Variants in FAM107B observed in about 807,000 individuals in gnomAD.
The protein encoded by FAM107B is protein FAM107B.
In FAM107B, 21 loss-of-function variants were observed where a neutral mutation model predicts 31.5. The observed-to-expected ratio is 0.67, with a 90% confidence interval of 0.47 to 0.96. The LOEUF (loss-of-function observed/expected upper bound fraction) is 0.96. Ranked by LOEUF, FAM107B falls within the 40% of genes least tolerant of loss-of-function variation. FAM107B has a pLI of 0.00. For synonymous variants in FAM107B, 157 were observed against 141.5 expected (o/e 1.11, Z -0.78); for missense variants, 452 against 377.1 (o/e 1.20, Z -1.64).
intron 1 of FAM107B, among the ~76,000 whole-genome samples, chr10:14,718,338 AAAGG>A (rs747098734): frequency 1.8e-4 from 28 of 151,358 alleles, no homozygotes; most frequent in South Asian, 1.3e-3. Flanking sequence ...GAGACTCAAG[AAAGG>A]AAGGAAGGAA....
At chr10:14,685,712 G>C (rs1854967417) in intron 1 of FAM107B, among the ~76,000 whole-genome samples, 1 of 152,142 alleles carries the variant, frequency 6.6e-6, no homozygotes, top group African/African-American at 2.4e-5. Flanking sequence ...TGGAGCGTTT[G>C]TAAGAATCCT....
At chr10:14,641,538 G>T in intron 2 of FAM107B, among the ~76,000 whole-genome samples, 1 of 152,162 alleles carries the variant, frequency 6.6e-6, no homozygotes, top group East Asian at 1.9e-4. Flanking sequence ...GTATGGTTGG[G>T]TTATGGTGAG....
intron 1 of FAM107B, among the ~76,000 whole-genome samples, chr10:14,740,793 T>A (rs1856418724): frequency 6.6e-6 from 1 of 152,200 alleles, no homozygotes; most frequent in South Asian, 2.1e-4. Flanking sequence ...AGTCTATTTT[T>A]AAAATGAGCT....
intron 2 of FAM107B, among the ~76,000 whole-genome samples, chr10:14,608,473 T>G (rs927839455): frequency 6.6e-6 from 1 of 152,218 alleles, no homozygotes; most frequent in Non-Finnish European, 1.5e-5. Flanking sequence ...CTGCCCCATG[T>G]GGCATTAGCT....
intron 2 of FAM107B, among the ~76,000 whole-genome samples, chr10:14,612,853 C>T (rs11259224): frequency 0.066 from 9,968 of 152,158 alleles, 456 homozygotes; most frequent in East Asian, 0.18. Flanking sequence ...AAACTAAAAA[C>T]AGCATACAAA....
At chr10:14,715,253 G>GA (rs1171060223) in intron 1 of FAM107B, among the ~76,000 whole-genome samples, 1 of 151,778 alleles carries the variant, frequency 6.6e-6, no homozygotes, top group East Asian at 1.9e-4. Flanking sequence ...CAGATGATGT[G>GA]AAAAAAAGAA....
chr10:14,739,731 A>G (rs1042941439), intron 1 of FAM107B, among the ~76,000 whole-genome samples: 1 of 152,236 alleles, frequency 6.6e-6, no homozygotes, highest in African/African-American at 2.4e-5. Context: ...TGTGCTAGAA[A>G]GAGGTATTCT....
chr10:14,670,887 C>T (rs1318147192), intron 1 of FAM107B, among the ~76,000 whole-genome samples: 1 of 152,234 alleles, frequency 6.6e-6, no homozygotes, highest in Admixed American at 6.5e-5. Flanking sequence ...TCCTTCAATT[C>T]TTGTGTCTCT....
intron 2 of FAM107B, among the ~76,000 whole-genome samples, chr10:14,640,178 G>T (rs1853594873): frequency 6.6e-6 from 1 of 152,168 alleles, no homozygotes; most frequent in Non-Finnish European, 1.5e-5. Flanking sequence ...TTGAGATGAG[G>T]ACTATAGATG....
chr10:14,553,824 A>T (rs1210603394), intron 2 of FAM107B, among the ~76,000 whole-genome samples: 2 of 152,190 alleles, frequency 1.3e-5, no homozygotes, highest in African/African-American at 4.8e-5. Context: ...TATCTCAGTG[A>T]ATTTTTACAA....
At chr10:14,742,076 A>C (rs1332090030) in intron 1 of FAM107B, among the ~76,000 whole-genome samples, 1 of 151,900 alleles carries the variant, frequency 6.6e-6, no homozygotes, top group East Asian at 1.9e-4. Flanking sequence ...AATTAGCTGC[A>C]GGTAATATTT....
chr10:14,741,939 C>T lies in FAM107B; in HGVS notation c.411+32314G>A, dbSNP rs372939999. Among the ~76,000 whole-genome samples, 9 of 152,028 alleles carry T rather than the reference C, an allele frequency of 5.9e-5. No homozygotes were observed. The East Asian group carries it at 1.4e-3, about 23-fold the overall frequency. On this transcript the variant is annotated intron_variant, in intron 1 of 4. Coordinates refer to ENST00000181796, the MANE Select transcript of FAM107B (RefSeq NM_031453.4). ...CCATGTTAGCCAGGATGGTCTCGAT[C>T]TCCTGACCTCGTGATCCACCCACCT...
intron 2 of FAM107B, among the ~76,000 whole-genome samples, chr10:14,633,660 G>T (rs1853423626): frequency 6.6e-6 from 1 of 152,048 alleles, no homozygotes; most frequent in Admixed American, 6.6e-5. Context: ...TTCAGTAGGG[G>T]TCTAACAAAT....
At chr10:14,689,797 C>T (rs937124078) in intron 1 of FAM107B, among the ~76,000 whole-genome samples, 8 of 151,810 alleles carry the variant, frequency 5.3e-5, no homozygotes, top group Non-Finnish European at 8.8e-5. Context: ...CCCATCTCTA[C>T]AAAACAAAAT....
chr10:14,711,895 T>C (rs1564633502), intron 1 of FAM107B, among the ~76,000 whole-genome samples: 1 of 152,308 alleles, frequency 6.6e-6, no homozygotes, highest in East Asian at 1.9e-4. Flanking sequence ...CCGCCCACCT[T>C]GGCCTCCCAA....
intron 2 of FAM107B, among the ~76,000 whole-genome samples, chr10:14,573,890 G>C (rs1269839630): frequency 6.6e-6 from 1 of 151,792 alleles, no homozygotes; most frequent in East Asian, 1.9e-4. Flanking sequence ...TGATCATTGT[G>C]GATACATGAT....
chr10:14,567,317 G>A (rs1484427128), intron 2 of FAM107B, among the ~76,000 whole-genome samples: 1 of 152,188 alleles, frequency 6.6e-6, no homozygotes, highest in Non-Finnish European at 1.5e-5. Context: ...GGGGCAGTGG[G>A]AAGGTCAGAG....
At chr10:14,612,266 C>A (rs1250079710) in intron 2 of FAM107B, among the ~76,000 whole-genome samples, 3 of 152,156 alleles carry the variant, frequency 2.0e-5, no homozygotes, top group Non-Finnish European at 4.4e-5. Flanking sequence ...TTTGTTCCAC[C>A]AAATTTAACA....
intron 2 of FAM107B, among the ~76,000 whole-genome samples, chr10:14,663,821 C>A (rs570225146): frequency 8.0e-6 from 1 of 124,948 alleles, no homozygotes. Context: ...GTGGCTCCTA[C>A]GAATATGAAT....
Sources: allele counts gnomAD v4.1 joint callset (sites outside exome capture counted in the v4.1 genomes callset), GRCh38; gene constraint gnomAD v4.1.1; transcripts MANE v1.5; gene names NCBI Gene and HGNC (gene_info 2026-07-23, HGNC 2026-07-21).